Variants in SGCZ observed in about 807,000 individuals in gnomAD.
The protein encoded by SGCZ is zeta-sarcoglycan.
Under a neutral mutation model 41.3 loss-of-function variants are expected in SGCZ, and 40 were observed. The ratio of observed to expected loss-of-function variants is 0.97; its 90% confidence interval spans 0.75 to 1.26. The LOEUF is 1.26. SGCZ is among the 50% of genes most tolerant of loss of function. The pLI is 0.00. For synonymous variants in SGCZ, 206 were observed against 137.5 expected, an observed-to-expected ratio of 1.50 and a Z score of -3.49; for missense variants, 552 against 369.8, an observed-to-expected ratio of 1.49 and a Z score of -4.04.
intron 2 of SGCZ, among the ~76,000 whole-genome samples, chr8:14,485,188 A>C (rs1376535400): frequency 1.3e-5 from 2 of 152,170 alleles, no homozygotes; most frequent in African/African-American, 4.8e-5. Context: ...ATCCAACTAA[A>C]AACTACATTT....
chr8:14,364,323 G>A (rs1388814685), intron 2 of SGCZ, among the ~76,000 whole-genome samples: 1 of 152,072 alleles, frequency 6.6e-6, no homozygotes, highest in Non-Finnish European at 1.5e-5. Flanking sequence ...CAAAAATGAT[G>A]CTGAACATTT....
chr8:14,278,460 A>G (rs1800309351), intron 3 of SGCZ, among the ~76,000 whole-genome samples: 2 of 152,184 alleles, frequency 1.3e-5, no homozygotes, highest in African/African-American at 4.8e-5. Flanking sequence ...AGTGACCTCA[A>G]TGGAAAAAGT....
rs184174210 is a variant in SGCZ, at chr8:14,087,949, T to C, written c.*2494A>G. Among the ~76,000 whole-genome samples the C allele has an allele frequency of 1.4e-4, 21 of 151,886 alleles. No homozygotes were observed. The highest frequency in any genetic ancestry group is 4.8e-4 in the African/African-American group (20 of 41,524). Reference sequence around the variant, plus strand: ...GAACCGATTTGTTATATCATCTGGATACAGTCTAAAGCTCTCAAGCTTGTA... The same window carrying C: ...GAACCGATTTGTTATATCATCTGGACACAGTCTAAAGCTCTCAAGCTTGTA... On this transcript the variant is annotated 3_prime_UTR_variant, in exon 8 of 8. Coordinates refer to ENST00000382080, the MANE Select transcript of SGCZ (RefSeq NM_139167.4).
At chr8:14,623,746 T>G (rs1379386783) in intron 1 of SGCZ, among the ~76,000 whole-genome samples, 2 of 152,094 alleles carry the variant, frequency 1.3e-5, no homozygotes, top group Non-Finnish European at 2.9e-5. Context: ...CTCCCTGCAG[T>G]TGAGATGTCA....
chr8:14,176,782 A>G (rs142139353), intron 4 of SGCZ, among the ~76,000 whole-genome samples: 79 of 152,284 alleles, frequency 5.2e-4, no homozygotes, highest in African/African-American at 1.8e-3. Flanking sequence ...CTGAGATGCT[A>G]TCAAGCAAAA....
At chr8:14,404,545 C>T (rs1799160668) in intron 2 of SGCZ, among the ~76,000 whole-genome samples, 1 of 152,138 alleles carries the variant, frequency 6.6e-6, no homozygotes, top group East Asian at 1.9e-4. Flanking sequence ...TTCAGGTTGT[C>T]ATTTCAAATT....
At chr8:14,191,360 G>A (rs1428417809) in intron 4 of SGCZ, among the ~76,000 whole-genome samples, 2 of 151,794 alleles carry the variant, frequency 1.3e-5, no homozygotes, top group Admixed American at 1.3e-4. Flanking sequence ...ACTTATTTTT[G>A]CTTCTGTTGC....
intron 3 of SGCZ, among the ~76,000 whole-genome samples, chr8:14,289,314 C>T (rs925398493): frequency 6.6e-6 from 1 of 150,706 alleles, no homozygotes; most frequent in African/African-American, 2.4e-5. Flanking sequence ...GTTGTTTATG[C>T]TTTTGATATT....
chr8:14,445,133 A>T (rs1800394721), intron 2 of SGCZ, among the ~76,000 whole-genome samples: 1 of 152,198 alleles, frequency 6.6e-6, no homozygotes, highest in African/African-American at 2.4e-5. Flanking sequence ...AGAAATGTGA[A>T]AGGTGATTAT....
Position 14,090,583 on chromosome 8 carries a change from A to G in SGCZ, c.799T>C (p.Ser267Pro), listed in dbSNP as rs144979012. ...CTTGAGGAGCTGGGTGAAGAAGATG[A>G]GAAGGAGCCAGTTGGTAGATTTCCC... ...KLGNLPTGSF[S>P]SSSPSSSSSR... Residue 267 changes from serine to proline, a missense_variant, in exon 8 of 8, where the codon TCA becomes CCA. Coordinates refer to ENST00000382080, the MANE Select transcript of SGCZ (RefSeq NM_139167.4). The G allele has an allele frequency of 1.7e-4, 281 of 1,612,866 alleles. 1 individual carries two copies. Among genetic ancestry groups the G allele is most frequent in the Middle Eastern group, 1.6e-3 (9 of 5,784 alleles).
In SGCZ at chr8:15,133,735, C is replaced by T. The variant is rs79322893; in HGVS notation, c.39+103850G>A. ...ACAGAACCAAAGTCTTCACAACAAA[C>T]GAAGATAATAAGAGTAGACCATATC... On this transcript the variant is annotated intron_variant, in intron 1 of 7. Coordinates refer to ENST00000382080, the MANE Select transcript of SGCZ (RefSeq NM_139167.4). Among the ~76,000 whole-genome samples, 343 of 152,108 alleles carry T rather than the reference C, an allele frequency of 2.3e-3. 7 individuals carry two copies. In the East Asian group the frequency reaches 0.049, roughly 22 times the overall value.
At chr8:14,196,067 C>T (rs1805257787) in intron 4 of SGCZ, among the ~76,000 whole-genome samples, 1 of 151,948 alleles carries the variant, frequency 6.6e-6, no homozygotes, top group African/African-American at 2.4e-5. Context: ...GCTACTGTAT[C>T]TCTACAGTAT....
At chr8:14,307,061 A>C (rs1365655) in intron 3 of SGCZ, among the ~76,000 whole-genome samples, 38,445 of 152,076 alleles carry the variant, frequency 0.25, 5,026 homozygotes, top group South Asian at 0.34. Flanking sequence ...AGAGAAAATG[A>C]ATTTAACAAA....
intron 2 of SGCZ, among the ~76,000 whole-genome samples, chr8:14,514,706 C>T (rs1013775339): frequency 6.8e-6 from 1 of 147,798 alleles, no homozygotes; most frequent in Non-Finnish European, 1.5e-5. Context: ...TATATGTACA[C>T]ACATTTACAT....
intron 1 of SGCZ, among the ~76,000 whole-genome samples, chr8:15,184,804 C>G (rs944844630): frequency 1.3e-5 from 2 of 152,154 alleles, no homozygotes; most frequent in South Asian, 4.1e-4. Flanking sequence ...TTACCTGCAG[C>G]CTTGTAATGG....
chr8:14,491,181 T>C (rs1394597340), intron 2 of SGCZ, among the ~76,000 whole-genome samples: 1 of 152,210 alleles, frequency 6.6e-6, no homozygotes, highest in African/African-American at 2.4e-5. Flanking sequence ...TATGTAGGAA[T>C]GTTTACAAAT....
chr8:14,639,078 G>C (rs146148821), intron 1 of SGCZ, among the ~76,000 whole-genome samples: 5 of 108,190 alleles, frequency 4.6e-5, no homozygotes, highest in Non-Finnish European at 9.5e-5. Flanking sequence ...AGGGAATTTT[G>C]CTCTGTCACC....
At chr8:14,408,079 C>T (rs1431767185) in intron 2 of SGCZ, among the ~76,000 whole-genome samples, 1 of 152,110 alleles carries the variant, frequency 6.6e-6, no homozygotes, top group Non-Finnish European at 1.5e-5. Flanking sequence ...AATTCACTTC[C>T]TTTTCACATT....
chr8:14,215,884 G>T (rs1043251388), intron 4 of SGCZ, among the ~76,000 whole-genome samples: 2 of 152,194 alleles, frequency 1.3e-5, no homozygotes, highest in East Asian at 1.9e-4. Context: ...GGTGCAACCC[G>T]CAGACACTGG....
Sources: allele counts gnomAD v4.1 joint callset (sites outside exome capture counted in the v4.1 genomes callset), GRCh38; gene constraint gnomAD v4.1.1; transcripts MANE v1.5; gene names NCBI Gene and HGNC (gene_info 2026-07-23, HGNC 2026-07-21).